Variants in GRIK4 observed in about 807,000 individuals in gnomAD.
The protein encoded by GRIK4 is glutamate receptor ionotropic, kainate 4.
GRIK4 carries 40 observed loss-of-function variants against 104.9 expected under a neutral mutation model. The ratio of observed to expected loss-of-function variants is 0.38; its 90% CI spans 0.30 to 0.50. The LOEUF (loss-of-function observed/expected upper bound fraction) is 0.50. GRIK4 is among the 20% of genes least tolerant of loss of function. GRIK4 has a pLI of 0.93. For missense variants in GRIK4, 1,047 were observed against 1,308.1 expected, an observed-to-expected ratio of 0.80 and a Z score of 3.08; for synonymous variants, 485 against 524.9, an observed-to-expected ratio of 0.92 and a Z score of 1.04.
intron 1 of GRIK4, among the ~76,000 whole-genome samples, chr11:120,536,742 G>C (rs1381656390): frequency 1.3e-5 from 2 of 152,140 alleles, no homozygotes; most frequent in Non-Finnish European, 2.9e-5. Flanking sequence ...CGGATGAGTG[G>C]GGAGTGATCA....
At chr11:120,815,250 C>G (rs911856682) in intron 4 of GRIK4, 128 bp from the exon 5 acceptor site, 3 of 626,268 alleles carry the variant, frequency 4.8e-6, no homozygotes, top group African/African-American at 1.9e-5. Flanking sequence ...AGGGTTGGAG[C>G]AGGGGCCTGG....
At chr11:120,661,557 T>G (rs1949816854) in intron 3 of GRIK4, among the ~76,000 whole-genome samples, 1 of 152,226 alleles carries the variant, frequency 6.6e-6, no homozygotes, top group Non-Finnish European at 1.5e-5. Context: ...GGGAGCTGAC[T>G]TAAAGCTCCC....
chr11:120,588,415 G>A lies in GRIK4; in HGVS notation c.-158-65270G>A, dbSNP rs116803332. Reference sequence around the variant, plus strand: ...GTTCAGGCATAGAGGGAACAATGCAGTGGGCCCTCTATGGTCTCAATGGGA... The same window carrying A: ...GTTCAGGCATAGAGGGAACAATGCAATGGGCCCTCTATGGTCTCAATGGGA... On this transcript the variant is annotated intron_variant, in intron 1 of 20. Transcript: ENST00000527524. Among the ~76,000 whole-genome samples the A allele has an allele frequency of 8.9e-3, 1,357 of 152,254 alleles. 23 individuals are homozygous for A. Among genetic ancestry groups the A allele is most frequent in the African/African-American group, 0.031 (1,278 of 41,538 alleles).
intron 13 of GRIK4, among the ~76,000 whole-genome samples, chr11:120,932,106 A>G (rs1374604911): frequency 6.6e-6 from 1 of 151,070 alleles, no homozygotes; most frequent in Non-Finnish European, 1.5e-5. Context: ...CCACCTTCTC[A>G]TGGTGACATA....
intron 3 of GRIK4, among the ~76,000 whole-genome samples, chr11:120,681,822 G>A (rs1950197675): frequency 6.6e-6 from 1 of 152,224 alleles, no homozygotes; most frequent in Admixed American, 6.5e-5. Flanking sequence ...TGAAGAGGAG[G>A]AGCTGTCTGT....
intron 1 of GRIK4, among the ~76,000 whole-genome samples, chr11:120,565,749 C>T (rs984140366): frequency 2.0e-5 from 3 of 152,212 alleles, no homozygotes; most frequent in African/African-American, 7.2e-5. Context: ...TGCCCCCTGG[C>T]TCTTTTCTAC....
At chr11:120,719,234 A>G (rs1950889520) in intron 3 of GRIK4, among the ~76,000 whole-genome samples, 1 of 152,208 alleles carries the variant, frequency 6.6e-6, no homozygotes, top group African/African-American at 2.4e-5. Flanking sequence ...TTCATTAAAA[A>G]TAAGCTTTTA....
At chr11:120,972,338 A>C (rs955851532) in intron 19 of GRIK4, among the ~76,000 whole-genome samples, 2 of 152,218 alleles carry the variant, frequency 1.3e-5, no homozygotes, top group African/African-American at 2.4e-5. Flanking sequence ...GGGGATAGTT[A>C]TTGCCTCAGG....
intron 13 of GRIK4, among the ~76,000 whole-genome samples, chr11:120,909,229 T>G (rs1942938756): frequency 6.6e-6 from 1 of 152,254 alleles, no homozygotes; most frequent in Admixed American, 6.5e-5. Context: ...GGAGGGTTAT[T>G]GGTAACAATG....
At chr11:120,534,987 G>A (rs1947958292) in intron 1 of GRIK4, among the ~76,000 whole-genome samples, 1 of 152,168 alleles carries the variant, frequency 6.6e-6, no homozygotes, top group African/African-American at 2.4e-5. Flanking sequence ...ATGGTTGGTT[G>A]CCCTAGGAGA....
In GRIK4 at chr11:120,524,920, G is replaced by C. The variant is rs1947839750; in HGVS notation, c.-159+13033G>C. Among the ~76,000 whole-genome samples, 1 of 152,218 alleles carries C rather than the reference G, an allele frequency of 6.6e-6. No individual in the cohort carries two copies. Among genetic ancestry groups the C allele is most frequent in the Non-Finnish European group, 1.5e-5 (1 of 68,040 alleles). On this transcript the variant is annotated intron_variant, in intron 1 of 20. Coordinates refer to ENST00000527524, the MANE Select transcript of GRIK4 (RefSeq NM_014619.5). This position sits in a 1 kb window ranked among gnomAD's most constrained non-coding sequence, Gnocchi z 4.5. ...CAGAGGTCCCTGCGGTCTGCAGGGTGAGCTGAGGTCCTAGTCCACCTTCCG... is the reference window on the plus strand; with the variant it reads ...CAGAGGTCCCTGCGGTCTGCAGGGTCAGCTGAGGTCCTAGTCCACCTTCCG...
rs548731986 is a variant in GRIK4, at chr11:120,795,477, A to G, written c.83-7216A>G. Among the ~76,000 whole-genome samples the G allele has an allele frequency of 3.3e-5, 5 of 152,300 alleles. No individual in the cohort carries two copies. In the East Asian group the frequency reaches 7.7e-4, roughly 24 times the overall value. ...TGCACCATTGCCAGGCGCCACGTCT[A>G]CTACTGGCTGTAGGGGATGAAAAGA... On this transcript the variant is annotated intron_variant, in intron 3 of 20. Transcript: ENST00000527524.
chr11:120,604,623 G>A (rs1948935058), intron 1 of GRIK4, among the ~76,000 whole-genome samples: 2 of 152,200 alleles, frequency 1.3e-5, no homozygotes, highest in Non-Finnish European at 2.9e-5. Context: ...GAACATGGGA[G>A]TGGTGAGAAA....
At chr11:120,727,494 T>C (rs1382441568) in intron 3 of GRIK4, among the ~76,000 whole-genome samples, 1 of 152,152 alleles carries the variant, frequency 6.6e-6, no homozygotes, top group Non-Finnish European at 1.5e-5. Context: ...GGAAAACTTA[T>C]TTTACATAGA....
chr11:120,819,629 A>G lies in GRIK4; in HGVS notation c.346-126A>G, dbSNP rs1173763581. ...GGGTGCCCTGGGAGCTCCTTCTCCC[A>G]TTGGTGTCTGGCGAAGGTGTTACAT... On this transcript the variant is annotated intron_variant, in intron 5 of 20. Transcript: ENST00000527524. This position sits in a 1 kb window ranked among gnomAD's most constrained non-coding sequence, Gnocchi z 4.3. 4 of 825,774 alleles carry G rather than the reference A, an allele frequency of 4.8e-6. No individual in the cohort carries two copies. The highest frequency in any genetic ancestry group is 8.0e-6 in the Non-Finnish European group (4 of 498,530). 51.2% of individuals were successfully genotyped at this position (825,774 alleles called of 1,614,324 possible). A position where few individuals can be genotyped will look rare whatever the true frequency, so the allele number is the denominator to read the frequency against.
At chr11:120,871,732 G>A (rs1179448465) in intron 9 of GRIK4, 1 of 456,362 alleles carries the variant, frequency 2.2e-6, no homozygotes, top group Middle Eastern at 3.3e-4. Context: ...CTGCCAGATG[G>A]TAGTGGCTGA....
chr11:120,858,695 CCT>C (rs1434343275), intron 8 of GRIK4, among the ~76,000 whole-genome samples: 2 of 152,128 alleles, frequency 1.3e-5, no homozygotes, highest in African/African-American at 4.8e-5. Context: ...AACCTAATGC[CCT>C]GAGGAACACA....
At chr11:120,835,463 G>A (rs1269315804) in intron 7 of GRIK4, among the ~76,000 whole-genome samples, 2 of 152,216 alleles carry the variant, frequency 1.3e-5, no homozygotes, top group East Asian at 3.8e-4. Context: ...AGGAGGCGGA[G>A]GTTGCAGTGA....
At chr11:120,811,000 A>G (rs1157502031) in intron 4 of GRIK4, among the ~76,000 whole-genome samples, 1 of 152,180 alleles carries the variant, frequency 6.6e-6, no homozygotes, top group Non-Finnish European at 1.5e-5. Context: ...ACAAGTGTTC[A>G]CAGACCCCTG....
Sources: allele counts gnomAD v4.1 joint callset (sites outside exome capture counted in the v4.1 genomes callset), GRCh38; gene constraint gnomAD v4.1.1; non-coding constraint Gnocchi (gnomAD v3.1); transcripts MANE v1.5; gene names NCBI Gene and HGNC (gene_info 2026-07-23, HGNC 2026-07-21).